NIBAN1: variants seen among roughly 807,000 people sequenced by gnomAD.
The protein encoded by NIBAN1 is niban apoptosis regulator 1, also known as protein Niban 1.
In NIBAN1, 81 loss-of-function variants were observed where a neutral mutation model predicts 75.1. That is an observed-to-expected ratio of 1.08 (90% CI 0.90 to 1.30). The LOEUF (loss-of-function observed/expected upper bound fraction) is 1.30, where lower values mean the gene tolerates loss of function less well. NIBAN1 is among the 50% of genes most tolerant of loss of function. The pLI is 0.00. For synonymous variants in NIBAN1, 436 were observed against 424.8 expected (o/e 1.03, Z -0.32); for missense variants, 1,133 against 1,128.1 (o/e 1.00, Z -0.06).
At chr1:184,892,125 GA>G (rs1262312496) in intron 3 of NIBAN1, among the ~76,000 whole-genome samples, 3 of 152,164 alleles carry the variant, frequency 2.0e-5, no homozygotes, top group African/African-American at 7.2e-5. Context: ...ATAAATCCAA[GA>G]ACAAGATCTA....
At chr1:184,919,064 T>C (rs189432314) in intron 1 of NIBAN1, among the ~76,000 whole-genome samples, 271 of 152,376 alleles carry the variant, frequency 1.8e-3, no homozygotes, top group African/African-American at 6.5e-3. Flanking sequence ...TTACATACTG[T>C]GAGTTTATTA....
In NIBAN1 at chr1:184,884,652, G is replaced by A. The variant is rs751710345; in HGVS notation, c.582C>T (p.Cys194=). ...CCATACCATGATTGAGATGCCTGAC[G>A]CAGTCACTCAGGAGGGCACTAAACC... ...QKRFSALLSD[C]VRHLNHDYMK... The change falls in exon 5 of 14, where the codon TGC becomes TGT. Residue 194 remains cysteine, a synonymous_variant. Transcript: ENST00000367511. The A allele has an allele frequency of 1.1e-5, 17 of 1,613,958 alleles. No homozygotes were observed. Among genetic ancestry groups the A allele is most frequent in the African/African-American group, 8.0e-5 (6 of 74,908 alleles).
rs771737456 is a variant in NIBAN1, at chr1:184,974,381, G to A, written c.-25C>T. ...TGACCGCGAGCTGCCTGTGCTGAGC[G>A]CGGAAACTGCCCGGTCCGCGCCCGC... On this transcript the variant is annotated 5_prime_UTR_variant, in exon 1 of 14. Coordinates refer to ENST00000367511, the MANE Select transcript of NIBAN1 (RefSeq NM_052966.4). 1.9e-6 allele frequency: 3 copies of A among 1,544,640 alleles called. No homozygotes were observed. The highest frequency in any genetic ancestry group is 1.2e-5 in the South Asian group (1 of 84,324).
chr1:184,921,518 G>A (rs944820333), intron 1 of NIBAN1, among the ~76,000 whole-genome samples: 9 of 152,238 alleles, frequency 5.9e-5, no homozygotes, highest in East Asian at 3.9e-4. Context: ...TTTTCCTTCC[G>A]TCTTTACAAA....
At chr1:184,809,082 T>C (rs1239186757) in intron 9 of NIBAN1, among the ~76,000 whole-genome samples, 1 of 151,772 alleles carries the variant, frequency 6.6e-6, no homozygotes, top group Non-Finnish European at 1.5e-5. Flanking sequence ...AACTGGGGAG[T>C]GAGGCAGGTT....
At chr1:184,926,393 A>G (rs912805512) in intron 1 of NIBAN1, among the ~76,000 whole-genome samples, 1 of 152,128 alleles carries the variant, frequency 6.6e-6, no homozygotes, top group African/African-American at 2.4e-5. Flanking sequence ...ATGCACTACC[A>G]AGCCCAGCTA....
Position 184,823,313 on chromosome 1 carries a change from T to C in NIBAN1, c.839A>G (p.Tyr280Cys). ...RTWLGLLEEA[Y>C]TLVQHQVSEG... ...TGAAACTTGATGCTGAACCAGGGTG[T>C]AGGCCTCCTCGAGGAGCTGCAACAA... Residue 280 changes from tyrosine to cysteine, a missense_variant, in exon 8 of 14, where the codon TAC becomes TGC. Coordinates refer to ENST00000367511, the MANE Select transcript of NIBAN1 (RefSeq NM_052966.4). 1 of 1,614,156 alleles carries C rather than the reference T, an allele frequency of 6.2e-7. No individual in the cohort carries two copies. The highest frequency in any genetic ancestry group is 8.5e-7 in the Non-Finnish European group (1 of 1,180,018).
intron 11 of NIBAN1, among the ~76,000 whole-genome samples, chr1:184,804,889 C>T (rs920362553): frequency 1.3e-5 from 2 of 151,840 alleles, no homozygotes; most frequent in Admixed American, 6.6e-5. Context: ...CCCAGGTTCA[C>T]GCCATTCTCC....
intron 5 of NIBAN1, among the ~76,000 whole-genome samples, chr1:184,864,319 G>T (rs1176372126): frequency 1.4e-5 from 2 of 146,102 alleles, no homozygotes; most frequent in Admixed American, 6.9e-5. Context: ...ATTATAATTG[G>T]CAATCATACT....
chr1:184,798,028 G>A lies in NIBAN1; in HGVS notation c.1666+51C>T, dbSNP rs186337282. 6.6e-5 allele frequency: 82 copies of A among 1,234,792 alleles called. No homozygotes were observed. In the East Asian group the frequency reaches 1.9e-3, roughly 28 times the overall value. The allele number at this position is 1,234,792 out of a possible 1,614,324, so 76.5% of individuals were successfully genotyped here. A position where few individuals can be genotyped will look rare whatever the true frequency, so the allele number is the denominator to read the frequency against. On this transcript the variant is annotated intron_variant, in intron 13 of 13. Transcript: ENST00000367511. ...CTGGCCTTACAGAGTCCTATTTCAG[G>A]GATGCTCCCCTCTATGGAGTGTCCC...
chr1:184,935,717 TG>T (rs1657938554), intron 1 of NIBAN1, among the ~76,000 whole-genome samples: 1 of 151,608 alleles, frequency 6.6e-6, no homozygotes, highest in Admixed American at 6.6e-5. Context: ...CATAGGTACC[TG>T]GGAAAAAGAA....
In NIBAN1 at chr1:184,884,215, C is replaced by CTT. The variant is rs11334000; in HGVS notation, c.601+416_601+417dup. Among the ~76,000 whole-genome samples, 57 of 66,798 alleles carry CTT rather than the reference C, an allele frequency of 8.5e-4. 1 individual carries two copies. Among genetic ancestry groups the CTT allele is most frequent in the Middle Eastern group, 8.5e-3 (1 of 118 alleles). The allele number at this position is 66,798 out of a possible 152,430, so 43.8% of individuals were successfully genotyped here. A position where few individuals can be genotyped will look rare whatever the true frequency, so the allele number is the denominator to read the frequency against. ...TCCCTGGGCAGCACCATCTGTGGCT[C>CTT]TTTTTTTTTTTTTTTTTTTTTTTTT... On this transcript the variant is annotated intron_variant, in intron 5 of 13. Coordinates refer to ENST00000367511, the MANE Select transcript of NIBAN1 (RefSeq NM_052966.4).
intron 4 of NIBAN1, chr1:184,887,904 C>T (rs1302014656): frequency 6.6e-6 from 1 of 152,216 alleles, no homozygotes; most frequent in Non-Finnish European, 1.5e-5. Flanking sequence ...GGCATGGTGG[C>T]TTATGCCTAT....
chr1:184,897,277 AGTGTGTGTGTGT>A (rs34548568), intron 2 of NIBAN1, among the ~76,000 whole-genome samples: 3 of 132,584 alleles, frequency 2.3e-5, no homozygotes, highest in Non-Finnish European at 3.3e-5. Context: ...TGTACTCCTA[AGTGTGTGTGTGT>A]GTGTGTGTGT....
intron 1 of NIBAN1, among the ~76,000 whole-genome samples, chr1:184,904,254 T>A (rs929580486): frequency 6.6e-6 from 1 of 151,828 alleles, no homozygotes; most frequent in Non-Finnish European, 1.5e-5. Context: ...TGGTTTCGAA[T>A]CCCTAGACTC....
intron 8 of NIBAN1, among the ~76,000 whole-genome samples, chr1:184,822,056 G>A (rs983544119): frequency 5.9e-5 from 9 of 152,066 alleles, no homozygotes; most frequent in African/African-American, 1.9e-4. Flanking sequence ...GGTGTTCCTC[G>A]GTCACTGCTA....
chr1:184,948,533 A>C (rs1448097272), intron 1 of NIBAN1, among the ~76,000 whole-genome samples: 1 of 152,190 alleles, frequency 6.6e-6, no homozygotes, highest in Non-Finnish European at 1.5e-5. Context: ...TAATTCTAAG[A>C]AAGTGATCAG....
chr1:184,939,869 T>C (rs1336385291), intron 1 of NIBAN1, among the ~76,000 whole-genome samples: 8 of 151,976 alleles, frequency 5.3e-5, no homozygotes, highest in Non-Finnish European at 7.4e-5. Context: ...ACACCTCTGG[T>C]GGGTAGGGGT....
intron 1 of NIBAN1, among the ~76,000 whole-genome samples, chr1:184,970,093 C>G (rs532841583): frequency 6.7e-6 from 1 of 149,988 alleles, no homozygotes; most frequent in Admixed American, 6.7e-5. Context: ...CGCTTGAGCC[C>G]AGGGAGGTCG....
Sources: allele counts gnomAD v4.1 joint callset (sites outside exome capture counted in the v4.1 genomes callset), GRCh38; gene constraint gnomAD v4.1.1; transcripts MANE v1.5; gene names NCBI Gene and HGNC (gene_info 2026-07-23, HGNC 2026-07-21).